PPP1R14C: variants seen among roughly 807,000 people sequenced by gnomAD.
The protein encoded by PPP1R14C is protein phosphatase 1 regulatory inhibitor subunit 14C.
PPP1R14C carries 16 observed loss-of-function variants against 20.4 expected under a neutral mutation model. The observed-to-expected ratio is 0.78, with a 90% confidence interval of 0.53 to 1.19. The LOEUF is 1.19. Ranked by LOEUF, PPP1R14C falls within the 50% of genes most tolerant of loss-of-function variation. The pLI, the probability that PPP1R14C is intolerant of heterozygous loss-of-function variation, is 0.00. For synonymous variants in PPP1R14C, 91 were observed against 91.0 expected, an observed-to-expected ratio of 1.00 and a Z score of 0.00; for missense variants, 211 against 220.1, an observed-to-expected ratio of 0.96 and a Z score of 0.26.
chr6:150,169,828 A>G (rs766322173), intron 1 of PPP1R14C, among the ~76,000 whole-genome samples: 1 of 152,108 alleles, frequency 6.6e-6, no homozygotes, highest in Non-Finnish European at 1.5e-5. Flanking sequence ...GTTGGGGGTG[A>G]CTCATCTCTG....
rs4038164 is a variant in PPP1R14C, at chr6:150,222,765, C to CTTTTTTTTTTT, written c.423+5923_423+5933dup. On this transcript the variant is annotated intron_variant, in intron 3 of 3. Coordinates refer to ENST00000361131, the MANE Select transcript of PPP1R14C (RefSeq NM_030949.3). Reference sequence around the variant, plus strand: ...AACATTTGAAGCCTTTTCAAACTGGCTTTTTTTTTTTTTTTTTTTTTTTTG... The same window carrying CTTTTTTTTTTT: ...AACATTTGAAGCCTTTTCAAACTGGCTTTTTTTTTTTTTTTTTTTTTTTTTTTTTTTTTTTG... Among the ~76,000 whole-genome samples, 56 of 71,280 alleles carry CTTTTTTTTTTT rather than the reference C, an allele frequency of 7.9e-4. 6 individuals carry two copies. Among genetic ancestry groups the CTTTTTTTTTTT allele is most frequent in the African/African-American group, 1.1e-3 (19 of 16,952 alleles). The allele number at this position is 71,280 out of a possible 152,430, so 46.8% of individuals were successfully genotyped here. A position where few individuals can be genotyped will look rare whatever the true frequency, so the allele number is the denominator to read the frequency against.
At chr6:150,162,867 CTG>C (rs1452989594) in intron 1 of PPP1R14C, among the ~76,000 whole-genome samples, 2 of 152,132 alleles carry the variant, frequency 1.3e-5, no homozygotes, top group Admixed American at 1.3e-4. Context: ...GAGTGAGAGA[CTG>C]TGGCCAGGTT....
chr6:150,190,621 T>C (rs958906302), intron 1 of PPP1R14C, among the ~76,000 whole-genome samples: 11 of 152,022 alleles, frequency 7.2e-5, no homozygotes, highest in Non-Finnish European at 1.0e-4. Context: ...GAGACGGTGT[T>C]TCACAATGTT....
chr6:150,174,312 T>C (rs546512389), intron 1 of PPP1R14C, among the ~76,000 whole-genome samples: 5 of 152,184 alleles, frequency 3.3e-5, no homozygotes, highest in South Asian at 4.1e-4. Context: ...CTCTGCCTCC[T>C]GGGTTCACAC....
At chr6:150,194,702 A>T in intron 1 of PPP1R14C, 1 of 985,430 alleles carries the variant, frequency 1.0e-6, no homozygotes. Flanking sequence ...TGATAAAATG[A>T]TTTGCTTGTT....
At chr6:150,189,880 C>T (rs915841276) in intron 1 of PPP1R14C, among the ~76,000 whole-genome samples, 5 of 152,302 alleles carry the variant, frequency 3.3e-5, no homozygotes, top group African/African-American at 9.6e-5. Context: ...CTTCTACTCA[C>T]CTTTCTGTTC....
intron 1 of PPP1R14C, among the ~76,000 whole-genome samples, chr6:150,188,723 T>A (rs1777707107): frequency 6.6e-6 from 1 of 151,744 alleles, no homozygotes; most frequent in African/African-American, 2.4e-5. Context: ...CCTGACCTCA[T>A]GATCCACCCG....
intron 1 of PPP1R14C, among the ~76,000 whole-genome samples, chr6:150,165,860 AT>A (rs1312974667): frequency 6.6e-6 from 1 of 152,252 alleles, no homozygotes; most frequent in African/African-American, 2.4e-5. Flanking sequence ...GAAGTGCAGT[AT>A]TTCACACAGT....
chr6:150,193,757 C>A (rs1214762735), intron 1 of PPP1R14C, among the ~76,000 whole-genome samples: 1 of 152,168 alleles, frequency 6.6e-6, no homozygotes, highest in Non-Finnish European at 1.5e-5. Context: ...TTGATAAAAG[C>A]TCATTCCCCA....
At chr6:150,204,175 G>A (rs770258438) in intron 1 of PPP1R14C, among the ~76,000 whole-genome samples, 4 of 152,204 alleles carry the variant, frequency 2.6e-5, no homozygotes, top group Admixed American at 6.5e-5. Context: ...CCTCGTTTAT[G>A]CCACGGCTTA....
At chr6:150,228,366 G>T (rs1778253070) in intron 3 of PPP1R14C, among the ~76,000 whole-genome samples, 1 of 152,180 alleles carries the variant, frequency 6.6e-6, no homozygotes, top group Admixed American at 6.5e-5. Flanking sequence ...CATGGTTCTG[G>T]TTTATTACAG....
chr6:150,216,228 G>T (rs993055288), intron 2 of PPP1R14C, among the ~76,000 whole-genome samples: 1 of 152,188 alleles, frequency 6.6e-6, no homozygotes, highest in African/African-American at 2.4e-5. Context: ...GGGCATGGTA[G>T]CTCACGCCTG....
intron 1 of PPP1R14C, among the ~76,000 whole-genome samples, chr6:150,179,203 C>T (rs1562262717): frequency 1.3e-5 from 2 of 152,026 alleles, no homozygotes; most frequent in Admixed American, 6.5e-5. Context: ...CCCAGGAGTT[C>T]AGTACCAGCT....
chr6:150,146,361 GA>G (rs1777180626), intron 1 of PPP1R14C, among the ~76,000 whole-genome samples: 1 of 152,186 alleles, frequency 6.6e-6, no homozygotes, highest in Non-Finnish European at 1.5e-5. Flanking sequence ...AGGTCTACAA[GA>G]CATCTGTCTA....
At chr6:150,144,223 G>T (rs1777157468) in intron 1 of PPP1R14C, among the ~76,000 whole-genome samples, 1 of 152,188 alleles carries the variant, frequency 6.6e-6, no homozygotes, top group South Asian at 2.1e-4. Flanking sequence ...TGGAAGGGCG[G>T]GAGCCCTGCG....
intron 3 of PPP1R14C, among the ~76,000 whole-genome samples, chr6:150,218,516 G>T: frequency 7.3e-6 from 1 of 136,656 alleles, no homozygotes; most frequent in African/African-American, 2.8e-5. Context: ...ATTTTAAAAA[G>T]GTAACAGTGA....
At chr6:150,206,316 C>G (rs946405230) in intron 1 of PPP1R14C, among the ~76,000 whole-genome samples, 2 of 152,114 alleles carry the variant, frequency 1.3e-5, no homozygotes, top group African/African-American at 4.8e-5. Flanking sequence ...CTGTCTTCCC[C>G]CATTAGAGTT....
chr6:150,193,837 T>A (rs1440674662), intron 1 of PPP1R14C, among the ~76,000 whole-genome samples: 2 of 152,162 alleles, frequency 1.3e-5, no homozygotes, highest in East Asian at 3.8e-4. Context: ...CTGGCTTCCA[T>A]CCACTTCTTC....
At chr6:150,162,503 C>T (rs1157298637) in intron 1 of PPP1R14C, among the ~76,000 whole-genome samples, 1 of 145,878 alleles carries the variant, frequency 6.9e-6, no homozygotes, top group Non-Finnish European at 1.5e-5. Context: ...AAGATTCATC[C>T]GTGGTTTTTT....
Sources: allele counts gnomAD v4.1 joint callset (sites outside exome capture counted in the v4.1 genomes callset), GRCh38; gene constraint gnomAD v4.1.1; transcripts MANE v1.5; gene names NCBI Gene and HGNC (gene_info 2026-07-23, HGNC 2026-07-21).